Variants in SMARCAD1 observed in about 807,000 individuals in gnomAD.
SMARCAD1 encodes SNF2 related chromatin remodeling ATPase with DExD box 1, also known as SWI/SNF-related matrix-associated actin-dependent regulator of chromatin subfamily A containing DEAD/H box 1.
In SMARCAD1, 25 loss-of-function variants were observed where a neutral mutation model predicts 127.1. The observed-to-expected ratio is 0.20, with a 90% CI of 0.14 to 0.27. The LOEUF (loss-of-function observed/expected upper bound fraction) is 0.27, where lower values mean the gene tolerates loss of function less well. Ranked by LOEUF, SMARCAD1 falls within the 10% of genes least tolerant of loss-of-function variation. The pLI is 1.00. For missense variants in SMARCAD1, 807 were observed against 1,206.0 expected (o/e 0.67, Z 4.90); for synonymous variants, 400 against 396.9 (o/e 1.01, Z -0.09).
rs1380278658 is a variant in SMARCAD1 at position 94,279,939 on chromosome 4, A to G, written c.2419-653A>G. 9.2e-5 allele frequency among the ~76,000 whole-genome samples: 14 copies of G among 151,812 alleles called. No homozygotes were observed. In the South Asian group the frequency reaches 2.7e-3, roughly 29 times the overall value. On this transcript the variant is annotated intron_variant, in intron 19 of 23. Transcript: ENST00000354268. ...GAGTGCGATGGCATGATCTCTGCTCACTGCACCCTCCGCCTCCCAGGTTCA... is the reference window on the plus strand; with the variant it reads ...GAGTGCGATGGCATGATCTCTGCTCGCTGCACCCTCCGCCTCCCAGGTTCA...
In SMARCAD1 at chr4:94,290,255, A is replaced by G. The variant is rs1274110311; in HGVS notation, c.*721A>G. 3 of 454,528 alleles carry G rather than the reference A, an allele frequency of 6.6e-6. No homozygotes were observed. Among genetic ancestry groups the G allele is most frequent in the Non-Finnish European group, 8.8e-6 (2 of 226,774 alleles). 28.2% of individuals were successfully genotyped at this position (454,528 alleles called of 1,614,324 possible). On this transcript the variant is annotated 3_prime_UTR_variant, in exon 24 of 24. Transcript: ENST00000354268. ...CATTTTCCAACTGCACTAATTGTGC[A>G]TATTACTCTGCCTAATCTTGTGCAT... is the stretch of plus-strand genomic sequence containing the variant.
chr4:94,232,681 G>A (rs1746025183), intron 3 of SMARCAD1, among the ~76,000 whole-genome samples: 1 of 152,126 alleles, frequency 6.6e-6, no homozygotes, highest in Non-Finnish European at 1.5e-5. Flanking sequence ...GGCTAGGCAT[G>A]GTGGCTCACA....
At chr4:94,240,782 A>C (rs1747459209) in intron 5 of SMARCAD1, 124 bp from the exon 6 acceptor site, 1 of 718,834 alleles carries the variant, frequency 1.4e-6, no homozygotes, top group South Asian at 1.5e-5. Flanking sequence ...AACAACAAAC[A>C]CTGGGCCTGA....
chr4:94,223,377 C>T (rs2125825841), intron 2 of SMARCAD1, among the ~76,000 whole-genome samples: 1 of 151,998 alleles, frequency 6.6e-6, no homozygotes, highest in East Asian at 2.0e-4. Flanking sequence ...CCTGTAGTCT[C>T]AGCTACTCAG....
rs142279223 is a variant in SMARCAD1 at position 94,287,126 on chromosome 4, T to TA, written c.3019+2058dup. ...TGAGCCACCGCGCCTGGCCTCTCCTTACCACTTTTCCTAGAAGTTTTCCTC... is the reference window on the plus strand; with the variant it reads ...TGAGCCACCGCGCCTGGCCTCTCCTTAACCACTTTTCCTAGAAGTTTTCCTC... On this transcript the variant is annotated intron_variant, in intron 23 of 23. Transcript: ENST00000354268. 1.5e-3 allele frequency among the ~76,000 whole-genome samples: 222 copies of TA among 152,316 alleles called. 1 individual carries two copies. Among genetic ancestry groups the TA allele is most frequent in the African/African-American group, 5.2e-3 (217 of 41,578 alleles).
chr4:94,245,382 A>G (rs1748256940), intron 6 of SMARCAD1, among the ~76,000 whole-genome samples: 2 of 152,316 alleles, frequency 1.3e-5, no homozygotes, highest in South Asian at 2.1e-4. Context: ...AAATAATTGG[A>G]CTGCCTTGAA....
At chr4:94,285,738 G>A (rs960083638) in intron 23 of SMARCAD1, among the ~76,000 whole-genome samples, 8 of 152,194 alleles carry the variant, frequency 5.3e-5, no homozygotes, top group African/African-American at 1.9e-4. Context: ...TCAGGGTGCT[G>A]TGGAAGCTTG....
chr4:94,212,806 A>G (rs576952257), intron 2 of SMARCAD1, among the ~76,000 whole-genome samples: 2 of 152,188 alleles, frequency 1.3e-5, no homozygotes, highest in Non-Finnish European at 2.9e-5. Flanking sequence ...GGACCTTAAA[A>G]TAGTCCCTTT....
At chr4:94,231,049 A>G (rs183301524) in intron 3 of SMARCAD1, among the ~76,000 whole-genome samples, 2 of 152,322 alleles carry the variant, frequency 1.3e-5, no homozygotes, top group Admixed American at 1.3e-4. Context: ...CTTAGTGAGA[A>G]CAGTTTCACT....
intron 6 of SMARCAD1, chr4:94,248,423 C>T (rs1205146803): frequency 2.2e-6 from 1 of 455,688 alleles, no homozygotes; most frequent in Non-Finnish European, 4.4e-6. Flanking sequence ...GATCTGTTCC[C>T]TCCTCAGCTG....
Position 94,252,751 on chromosome 4 carries a change from A to G in SMARCAD1, c.1025A>G (p.Lys342Arg). ...ATGAAAGCACAAAATGGCTTTAACAAGAAACGTAAAAAAAATGTTTTTAAT... is the reference window on the plus strand; with the variant it reads ...ATGAAAGCACAAAATGGCTTTAACAGGAAACGTAAAAAAAATGTTTTTAAT... ...FSMKAQNGFN[K>R]KRKKNVFNPK... The change falls in exon 9 of 24, where the codon AAG (lysine) becomes AGG (arginine). Residue 342 changes from lysine to arginine, a missense_variant. Coordinates refer to ENST00000354268, the MANE Select transcript of SMARCAD1 (RefSeq NM_020159.5). 2 of 1,608,896 alleles carry G rather than the reference A, an allele frequency of 1.2e-6. No individual in the cohort carries two copies. The highest frequency in any genetic ancestry group is 1.7e-6 in the Non-Finnish European group (2 of 1,178,484).
intron 2 of SMARCAD1, among the ~76,000 whole-genome samples, chr4:94,224,639 GAT>G (rs1744716371): frequency 6.6e-6 from 1 of 152,194 alleles, no homozygotes; most frequent in Admixed American, 6.5e-5. Context: ...TGTATTTACA[GAT>G]ACAGCTCGTG....
intron 6 of SMARCAD1, among the ~76,000 whole-genome samples, chr4:94,249,450 C>T (rs947867752): frequency 2.0e-5 from 3 of 151,984 alleles, no homozygotes; most frequent in Admixed American, 2.0e-4. Context: ...CAATCAGGGT[C>T]TTTCAGTGAT....
chr4:94,225,972 A>G (rs904321475), intron 2 of SMARCAD1, 147 bp from the exon 3 acceptor site: 1 of 727,240 alleles, frequency 1.4e-6, no homozygotes, highest in African/African-American at 1.8e-5. Context: ...TTGATGATTA[A>G]TTTTTTTCTT....
chr4:94,249,378 A>G (rs377183953), intron 6 of SMARCAD1, among the ~76,000 whole-genome samples: 5 of 114,366 alleles, frequency 4.4e-5, no homozygotes, highest in African/African-American at 1.4e-4. Flanking sequence ...GGATCATTCT[A>G]GTTTTTTAGG....
rs944591007 is a variant in SMARCAD1, at chr4:94,223,734, AT to A, written c.191-2359del. On this transcript the variant is annotated intron_variant, in intron 2 of 23. Coordinates refer to ENST00000354268, the MANE Select transcript of SMARCAD1 (RefSeq NM_020159.5). ...TGGCGTGCACCACCACTCCCGGCTA[AT>A]TTTTTTTTTTTTTTTTTTTTTTTTT... is the stretch of plus-strand genomic sequence containing the variant. Among the ~76,000 whole-genome samples the A allele has an allele frequency of 2.8e-3, 280 of 100,170 alleles. 1 individual carries two copies. Among genetic ancestry groups the A allele is most frequent in the South Asian group, 0.012 (29 of 2,402 alleles). The allele number at this position is 100,170 out of a possible 152,430, so 65.7% of individuals were successfully genotyped here.
intron 3 of SMARCAD1, among the ~76,000 whole-genome samples, chr4:94,231,314 ATAG>A (rs1036158671): frequency 1.3e-5 from 2 of 152,172 alleles, no homozygotes; most frequent in South Asian, 4.1e-4. Context: ...AACATAGTAG[ATAG>A]TTAGAGCAGA....
chr4:94,228,621 A>G (rs1338857765), intron 3 of SMARCAD1, among the ~76,000 whole-genome samples: 1 of 151,988 alleles, frequency 6.6e-6, no homozygotes, highest in East Asian at 1.9e-4. Flanking sequence ...CTTCACCAAG[A>G]ATATCTTGCA....
chr4:94,232,920 C>T (rs1746068437), intron 3 of SMARCAD1, among the ~76,000 whole-genome samples: 2 of 152,106 alleles, frequency 1.3e-5, no homozygotes, highest in South Asian at 2.1e-4. Context: ...ACAAAGGTTG[C>T]CGTGAGCCAA....
Sources: gnomAD v4.1 joint callset for allele counts (sites outside exome capture counted in the v4.1 genomes callset) on GRCh38, gnomAD v4.1.1 for gene constraint, MANE v1.5 for transcripts, NCBI Gene and HGNC (gene_info 2026-07-23, HGNC 2026-07-21) for gene names.